TRPM4: variants seen among roughly 807,000 people sequenced by gnomAD.
The protein encoded by TRPM4 is calcium-activated non-selective cation channel 1.
In TRPM4, 124 loss-of-function variants were observed where a neutral mutation model predicts 135.6. That is an observed-to-expected ratio of 0.91 (90% CI 0.79 to 1.06). The LOEUF is 1.06. Among genes scored for constraint, TRPM4 ranks in the 50% least tolerant of loss-of-function variants. The pLI, the probability that TRPM4 is intolerant of heterozygous loss-of-function variation, is 0.00. For missense variants in TRPM4, 1,658 were observed against 1,671.4 expected (o/e 0.99, Z 0.14); for synonymous variants, 745 against 705.6 (o/e 1.06, Z -0.88).
chr19:49,203,424 C>A (rs375941166), intron 20 of TRPM4, among the ~76,000 whole-genome samples: 1 of 152,196 alleles, frequency 6.6e-6, no homozygotes, highest in Admixed American at 6.6e-5. Context: ...TGTGATCCGC[C>A]CGCCTTGGCC....
intron 19 of TRPM4, among the ~76,000 whole-genome samples, 186 bp downstream of exon 19, chr19:49,200,971 C>T (rs1968908736): frequency 1.3e-5 from 2 of 151,896 alleles, no homozygotes; most frequent in African/African-American, 2.4e-5. Flanking sequence ...ACCCCACCCC[C>T]TCTGTCTTTC....
chr19:49,196,771 G>A lies in TRPM4; in HGVS notation c.2542G>A (p.Gly848Ser), dbSNP rs747373091. 11 of 1,562,064 alleles carry A rather than the reference G, an allele frequency of 7.0e-6. No homozygotes were observed. Among genetic ancestry groups the A allele is most frequent in the African/African-American group, 1.4e-5 (1 of 73,910 alleles). The change falls in exon 17 of 25, where the codon GGC (glycine) becomes AGC (serine). Residue 848 changes from glycine (G) to serine (S), a missense_variant. Transcript: ENST00000252826. ...CCTCGCCAGCGGGGGCCCCGGGCCT[G>A]GCCATGCCTCACTGAGCCAGCGCCT... is the stretch of plus-strand genomic sequence containing the variant. ...GSLASGGPGP[G>S]HASLSQRLRL...
chr19:49,162,564 AC>A (rs76698284), intron 2 of TRPM4, among the ~76,000 whole-genome samples: 31 of 151,382 alleles, frequency 2.0e-4, no homozygotes, highest in South Asian at 6.3e-4. Flanking sequence ...AAACAAACAA[AC>A]AAAAAAACAA....
At position 49,168,275 on chromosome 19, in the gene TRPM4, C is replaced by A; in HGVS notation, c.464C>A (p.Thr155Asn). The A allele has an allele frequency of 6.2e-7, 1 of 1,614,172 alleles. No individual in the cohort carries two copies. Among genetic ancestry groups the A allele is most frequent in the Non-Finnish European group, 8.5e-7 (1 of 1,180,040 alleles). Residue 155 changes from threonine (T) to asparagine (N), a missense_variant, in exon 5 of 25, where the codon ACT (threonine) becomes AAT (asparagine). Coordinates refer to ENST00000252826, the MANE Select transcript of TRPM4 (RefSeq NM_017636.4). ...GTCTGTGTAGGAGCCTGGATTGTCA[C>A]TGGGGGTCTGCACACGGGCATCGGC... ...AAQSTGAWIVTGGLHTGIGRH... is the reference protein window; with the variant it reads ...AAQSTGAWIVNGGLHTGIGRH...
rs1161813900 is a variant in TRPM4 at position 49,197,308 on chromosome 19, T to TTCTCTTTC, written c.2645+435_2645+436insCTCTTTCT. Reference sequence around the variant, plus strand: ...TCTTTCTTTCTTTCTCTTTCTTTCTTTTTCTTTCTTTCTTTCTTTCTTTCT... The same window carrying TTCTCTTTC: ...TCTTTCTTTCTTTCTCTTTCTTTCTTTCTCTTTCTTTCTTTCTTTCTTTCTTTCTTTCT... On this transcript the variant is annotated intron_variant, in intron 17 of 24. Coordinates refer to ENST00000252826, the MANE Select transcript of TRPM4 (RefSeq NM_017636.4). 3.8e-4 allele frequency among the ~76,000 whole-genome samples: 47 copies of TTCTCTTTC among 122,322 alleles called. 1 individual carries two copies. Among genetic ancestry groups the TTCTCTTTC allele is most frequent in the East Asian group, 4.8e-4 (2 of 4,208 alleles). The allele number at this position is 122,322 out of a possible 152,430, so 80.2% of individuals were successfully genotyped here.
intron 16 of TRPM4, among the ~76,000 whole-genome samples, chr19:49,194,129 CCTCCTT>C (rs1271932374): frequency 1.3e-5 from 2 of 150,970 alleles, no homozygotes; most frequent in African/African-American, 4.9e-5. Context: ...TCCTCTTCAT[CCTCCTT>C]CTCCTCTTCC....
In TRPM4 at chr19:49,196,800, CCT is replaced by C; in HGVS notation, c.2574_2575del (p.Tyr859ProfsTer99). On this transcript the variant is annotated frameshift_variant, in exon 17 of 25. Transcript: ENST00000252826. LOFTEE classifies it high-confidence loss of function. ...GHASLSQRLR[L>X]YLADSWNQCD... is the part of the protein sequence containing the mutation. ...ATGCCTCACTGAGCCAGCGCCTGCG[CCT>C]CTACCTCGCCGACAGCTGGAACCAG... 6.3e-7 allele frequency: 1 copy of C among 1,584,086 alleles called. No individual in the cohort carries two copies. Among genetic ancestry groups the C allele is most frequent in the Non-Finnish European group, 8.5e-7 (1 of 1,172,784 alleles).
At chr19:49,204,852 G>A (rs1014700313) in intron 20 of TRPM4, among the ~76,000 whole-genome samples, 3 of 149,658 alleles carry the variant, frequency 2.0e-5, no homozygotes, top group Middle Eastern at 3.5e-3. Context: ...GTGAGCCACC[G>A]TGCCCAGCGG....
intron 12 of TRPM4, among the ~76,000 whole-genome samples, chr19:49,183,873 A>G (rs1420952285): frequency 6.7e-6 from 1 of 149,228 alleles, no homozygotes; most frequent in African/African-American, 2.5e-5. Context: ...TTCTGGGTTC[A>G]TGCCATTCTC....
At position 49,210,640 on chromosome 19, in the gene TRPM4, G is replaced by A. The variant is rs1204049812; in HGVS notation, c.3329-70G>A. 3.7e-6 allele frequency: 6 copies of A among 1,610,698 alleles called. No individual in the cohort carries two copies. The highest frequency in any genetic ancestry group is 1.3e-5 in the African/African-American group (1 of 74,868). ...CTGGGATAGCGTGCGTGTTCTGAGGGTGTCGGAAGGGGCAGCTGGGATTGG... is the reference window on the plus strand; with the variant it reads ...CTGGGATAGCGTGCGTGTTCTGAGGATGTCGGAAGGGGCAGCTGGGATTGG... On this transcript the variant is annotated intron_variant, in intron 21 of 24. Transcript: ENST00000252826. The surrounding 1 kb of genome is among the most constrained non-coding windows in gnomAD (Gnocchi z 4.1).
chr19:49,162,305 G>A (rs1201319670), intron 2 of TRPM4, among the ~76,000 whole-genome samples: 6 of 152,094 alleles, frequency 3.9e-5, no homozygotes, highest in Admixed American at 2.6e-4. Context: ...TTGAGAGGCC[G>A]AGGTGGGCTG....
In TRPM4 at chr19:49,171,299, C is replaced by T. The variant is rs964057093; in HGVS notation, c.797-58C>T. 1.2e-6 allele frequency: 2 copies of T among 1,601,918 alleles called. No homozygotes were observed. The highest frequency in any genetic ancestry group is 8.6e-7 in the Non-Finnish European group (1 of 1,168,858). ...CGACTCCTGGGAAATGCGGTTTTCT[C>T]CTATCTCCAGCAAAGGCTGATGGGA... On this transcript the variant is annotated intron_variant, in intron 6 of 24. Transcript: ENST00000252826. The surrounding 1 kb of genome is among the most constrained non-coding windows in gnomAD (Gnocchi z 4.7).
At chr19:49,163,034 T>C (rs1362818561) in intron 2 of TRPM4, among the ~76,000 whole-genome samples, 1 of 151,852 alleles carries the variant, frequency 6.6e-6, no homozygotes, top group Non-Finnish European at 1.5e-5. Flanking sequence ...AGTTCTGGGA[T>C]TACAGGCATG....
rs140487844 is a variant in TRPM4, at chr19:49,167,916, G to A, written c.268-1G>A. The A allele has an allele frequency of 1.2e-6, 2 of 1,613,908 alleles. No individual in the cohort carries two copies. Among genetic ancestry groups the A allele is most frequent in the Non-Finnish European group, 1.7e-6 (2 of 1,180,020 alleles). ...TGTGCCCCGCTCCCATGTGTCCACA[G>A]TTCCTCCGGCTCTCTGACCGAACGG... On this transcript the variant is annotated splice_acceptor_variant, in intron 3 of 24. Transcript: ENST00000252826. LOFTEE classifies it high-confidence loss of function.
intron 12 of TRPM4, among the ~76,000 whole-genome samples, chr19:49,187,893 C>A (rs1968257943): frequency 6.6e-6 from 1 of 151,972 alleles, no homozygotes; most frequent in East Asian, 1.9e-4. Flanking sequence ...GGTGGGATGG[C>A]AGAACTGGTT....
intron 14 of TRPM4, among the ~76,000 whole-genome samples, chr19:49,189,639 T>C (rs957627114): frequency 1.3e-5 from 2 of 152,020 alleles, no homozygotes; most frequent in Admixed American, 1.3e-4. Flanking sequence ...GCTCCCACAG[T>C]CTCTCCGATC....
chr19:49,196,930 C>CCCACTCCCGGGGTCT, intron 17 of TRPM4, 56 bp downstream of exon 17: 2 of 1,505,750 alleles, frequency 1.3e-6, no homozygotes, highest in South Asian at 2.4e-5. Context: ...ATCCTTCCTG[C>CCCACTCCCGGGGTCT]CCACTCCCGG....
chr19:49,171,538 T>C lies in TRPM4; in HGVS notation c.859-40T>C, dbSNP rs1967454628. On this transcript the variant is annotated intron_variant, in intron 7 of 24. Transcript: ENST00000252826. The surrounding 1 kb of genome is among the most constrained non-coding windows in gnomAD (Gnocchi z 4.7). ...CTCCGGGTAGGGTGAATATCCTGCC[T>C]TTTCTGACGTGATGAATAAAGAATG... The C allele has an allele frequency of 6.2e-7, 1 of 1,613,414 alleles. No individual in the cohort carries two copies. Among genetic ancestry groups the C allele is most frequent in the African/African-American group, 1.3e-5 (1 of 74,828 alleles).
In TRPM4 at chr19:49,190,201, C is replaced by T. The variant is rs774026558; in HGVS notation, c.2020-7C>T. On this transcript the variant is annotated splice_region_variant and splice_polypyrimidine_tract_variant and intron_variant, in intron 14 of 24. Transcript: ENST00000252826. Reference sequence around the variant, plus strand: ...ATTTGGATCCTAATCCTTCCCACCCCCCACAGTCTCTGCTGACACAGAAGT... The same window carrying T: ...ATTTGGATCCTAATCCTTCCCACCCTCCACAGTCTCTGCTGACACAGAAGT... 1.9e-6 allele frequency: 3 copies of T among 1,613,106 alleles called. No individual in the cohort carries two copies. The highest frequency in any genetic ancestry group is 2.5e-6 in the Non-Finnish European group (3 of 1,179,104).
Sources: gnomAD v4.1 joint callset for allele counts (sites outside exome capture counted in the v4.1 genomes callset) on GRCh38, gnomAD v4.1.1 for gene constraint, Gnocchi (gnomAD v3.1) non-coding constraint, MANE v1.5 for transcripts, NCBI Gene and HGNC (gene_info 2026-07-23, HGNC 2026-07-21) for gene names.